ABLIM2: variants seen among roughly 807,000 people sequenced by gnomAD.
ABLIM2 encodes the protein actin-binding LIM protein 2.
Under a neutral mutation model 97.7 loss-of-function variants are expected in ABLIM2, and 53 were observed. The observed-to-expected ratio is 0.54, with a 90% CI of 0.44 to 0.68. The LOEUF is 0.68. ABLIM2 is among the 30% of genes least tolerant of loss of function. The probability of loss-of-function intolerance (pLI) is 0.00; values close to 1 mark genes in which losing one functional copy is unlikely to be tolerated. For synonymous variants in ABLIM2, 361 were observed against 345.8 expected, an observed-to-expected ratio of 1.04 and a Z score of -0.49; for missense variants, 835 against 867.2, an observed-to-expected ratio of 0.96 and a Z score of 0.47.
intron 9 of ABLIM2, among the ~76,000 whole-genome samples, chr4:8,039,363 T>A (rs544590565): frequency 6.6e-6 from 1 of 152,262 alleles, no homozygotes; most frequent in South Asian, 2.1e-4. Flanking sequence ...TCCTCAGGCT[T>A]CCCTGAACCA....
chr4:8,037,259 C>G (rs1286552396), intron 9 of ABLIM2, among the ~76,000 whole-genome samples: 1 of 151,866 alleles, frequency 6.6e-6, no homozygotes, highest in Admixed American at 6.6e-5. Flanking sequence ...ATGATACATA[C>G]CTACACATAC....
Position 8,043,519 on chromosome 4 carries a change from A to G in ABLIM2, c.900+1645T>C, listed in dbSNP as rs1790124498. Among the ~76,000 whole-genome samples the G allele has an allele frequency of 6.6e-6, 1 of 152,154 alleles. No individual in the cohort carries two copies. Among genetic ancestry groups the G allele is most frequent in the African/African-American group, 2.4e-5 (1 of 41,426 alleles). On this transcript the variant is annotated intron_variant, in intron 9 of 20. Transcript: ENST00000447017. This position sits in a 1 kb window ranked among gnomAD's most constrained non-coding sequence, Gnocchi z 4.8. ...GGGCCTTAAGAGAGGTCATCAAGTTAAAACAAGACCGTTAGGGTGGATCCA... is the reference window on the plus strand; with the variant it reads ...GGGCCTTAAGAGAGGTCATCAAGTTGAAACAAGACCGTTAGGGTGGATCCA...
intron 1 of ABLIM2, among the ~76,000 whole-genome samples, chr4:8,115,941 C>G (rs371326498): frequency 2.7e-3 from 410 of 152,330 alleles, no homozygotes; most frequent in African/African-American, 9.6e-3. Flanking sequence ...ACGCTGTGAC[C>G]ACGCATGGAG....
chr4:8,154,053 C>G (rs1435806896), intron 1 of ABLIM2, among the ~76,000 whole-genome samples: 1 of 151,054 alleles, frequency 6.6e-6, no homozygotes, highest in African/African-American at 2.4e-5. Flanking sequence ...AGCTCTGCCT[C>G]CCAGGTTCAC....
At chr4:8,041,779 CT>C (rs991451789) in intron 9 of ABLIM2, among the ~76,000 whole-genome samples, 10 of 152,060 alleles carry the variant, frequency 6.6e-5, no homozygotes, top group African/African-American at 2.4e-4. Context: ...TGGCGGGTGC[CT>C]GTTGTCCCAG....
rs1208598042 is a variant in ABLIM2, at chr4:8,019,347, A to G, written c.1423+271T>C. Reference sequence around the variant, plus strand: ...GCCACCACCAGGCTCTTGGCTATAAACCCCCATCCCAAGCCCTGGCTGATG... The same window carrying G: ...GCCACCACCAGGCTCTTGGCTATAAGCCCCCATCCCAAGCCCTGGCTGATG... On this transcript the variant is annotated intron_variant, in intron 14 of 20. Transcript: ENST00000447017. The surrounding 1 kb of genome is among the most constrained non-coding windows in gnomAD (Gnocchi z 4.3). Among the ~76,000 whole-genome samples the G allele has an allele frequency of 6.6e-6, 1 of 151,888 alleles. No individual in the cohort carries two copies. Among genetic ancestry groups the G allele is most frequent in the African/African-American group, 2.4e-5 (1 of 41,342 alleles).
chr4:8,039,242 T>C (rs1030490570), intron 9 of ABLIM2, among the ~76,000 whole-genome samples: 1 of 152,146 alleles, frequency 6.6e-6, no homozygotes, highest in Non-Finnish European at 1.5e-5. Context: ...GGGTGTGTTT[T>C]GCATCCTCCC....
intron 13 of ABLIM2, 96 bp downstream of exon 13, chr4:8,020,106 C>T: frequency 8.7e-7 from 1 of 1,153,634 alleles, no homozygotes; most frequent in African/African-American, 1.5e-5. Flanking sequence ...CGTCTGGCGC[C>T]TGCTGAGTCA....
intron 1 of ABLIM2, among the ~76,000 whole-genome samples, chr4:8,138,981 G>T (rs1449908375): frequency 1.3e-5 from 2 of 152,336 alleles, no homozygotes; most frequent in East Asian, 3.9e-4. Flanking sequence ...TGGATCACCT[G>T]AGGTCAGGAG....
At chr4:8,106,346 T>C (rs143821084) in intron 2 of ABLIM2, 148 bp downstream of exon 2, 120 of 1,150,244 alleles carry the variant, frequency 1.0e-4, no homozygotes, top group Admixed American at 3.7e-4. Flanking sequence ...GTTGAAAAGA[T>C]CCCACTCTCC....
rs1762448499 is a variant in ABLIM2 at position 8,007,886 on chromosome 4, A to C, written c.1618+173T>G. ...GGGGACAGTTCTTGGGAAGCCGGCA[A>C]ACTGCAAAAGCCCCATATTTCCTTC... On this transcript the variant is annotated intron_variant, in intron 16 of 20. Transcript: ENST00000447017. The C allele has an allele frequency of 3.5e-6, 5 of 1,417,710 alleles. No individual in the cohort carries two copies. In the Admixed American group the frequency reaches 1.1e-4, roughly 32 times the overall value. 87.8% of individuals were successfully genotyped at this position (1,417,710 alleles called of 1,614,324 possible).
rs1485340833 is a variant in ABLIM2, at chr4:7,998,723, G to A, written c.1619-5796C>T. 2 of 487,384 alleles carry A rather than the reference G, an allele frequency of 4.1e-6. No individual in the cohort carries two copies. The highest frequency in any genetic ancestry group is 8.2e-6 in the Non-Finnish European group (2 of 243,954). The allele number at this position is 487,384 out of a possible 1,614,324, so 30.2% of individuals were successfully genotyped here. On this transcript the variant is annotated intron_variant, in intron 16 of 20. Coordinates refer to ENST00000447017, the MANE Select transcript of ABLIM2 (RefSeq NM_001130083.2). This position sits in a 1 kb window ranked among gnomAD's most constrained non-coding sequence, Gnocchi z 6.4. ...TGGGCCACCTCCTGCCACTGCATGG[G>A]AGGCTGGGAGTCTGCTGGCCTGGGC...
At chr4:8,116,434 T>G (rs890593760) in intron 1 of ABLIM2, among the ~76,000 whole-genome samples, 2 of 152,196 alleles carry the variant, frequency 1.3e-5, no homozygotes, top group Non-Finnish European at 2.9e-5. Flanking sequence ...ATCGCACACA[T>G]GGGCTTACAC....
At chr4:8,030,701 T>C (rs1266437108) in intron 10 of ABLIM2, among the ~76,000 whole-genome samples, 1 of 152,212 alleles carries the variant, frequency 6.6e-6, no homozygotes, top group Non-Finnish European at 1.5e-5. Flanking sequence ...TCGGGCCGGC[T>C]AGTGCCCTGC....
rs1359283553 is a variant in ABLIM2, at chr4:8,071,090, CA to C, written c.675+6537del. On this transcript the variant is annotated intron_variant, in intron 6 of 20. Transcript: ENST00000447017. This position sits in a 1 kb window ranked among gnomAD's most constrained non-coding sequence, Gnocchi z 6.2. Reference sequence around the variant, plus strand: ...CTCATCCACACCTCCTCCCTTTATGCAGCCCTGGTCTAGAGGCTGGTCACAC... The same window carrying C: ...CTCATCCACACCTCCTCCCTTTATGCGCCCTGGTCTAGAGGCTGGTCACAC... Among the ~76,000 whole-genome samples, 61 of 152,320 alleles carry C rather than the reference CA, an allele frequency of 4.0e-4. No homozygotes were observed. The highest frequency in any genetic ancestry group is 1.5e-3 in the African/African-American group (61 of 41,576).
intron 9 of ABLIM2, 94 bp from the exon 10 acceptor site, chr4:8,036,389 C>T (rs1784479611): frequency 8.3e-6 from 12 of 1,451,054 alleles, no homozygotes; most frequent in South Asian, 6.4e-5. Context: ...CAGGACAGTG[C>T]CCCCAAAGCC....
At position 8,091,279 on chromosome 4, in the gene ABLIM2, AATTATATATAATATTATATATTATATTAT is replaced by A. The variant is rs1328798534; in HGVS notation, c.339-3024_339-2996del. ...GTTGGTCATTTGTGTGTATATATAT[AATTATATATAATATTATATATTATATTAT>A]ATATATATAATTATATATATATTAT... On this transcript the variant is annotated intron_variant, in intron 3 of 20. Coordinates refer to ENST00000447017, the MANE Select transcript of ABLIM2 (RefSeq NM_001130083.2). Among the ~76,000 whole-genome samples the A allele has an allele frequency of 4.0e-4, 20 of 50,202 alleles. 1 individual carries two copies. The highest frequency in any genetic ancestry group is 5.7e-4 in the Non-Finnish European group (14 of 24,540). The allele number at this position is 50,202 out of a possible 152,430, so 32.9% of individuals were successfully genotyped here.
intron 1 of ABLIM2, among the ~76,000 whole-genome samples, chr4:8,136,077 A>T (rs1436013883): frequency 6.6e-6 from 1 of 152,214 alleles, no homozygotes. Flanking sequence ...ACATGAACAG[A>T]TGAGCAAAAC....
In ABLIM2 at chr4:8,033,030, C is replaced by G. The variant is rs1175933818; in HGVS notation, c.1047+3119G>C. On this transcript the variant is annotated intron_variant, in intron 10 of 20. Transcript: ENST00000447017. The surrounding 1 kb of genome is among the most constrained non-coding windows in gnomAD (Gnocchi z 4.5). ...GGCTCAGGGCACAGGCAGCAACATC[C>G]TGAGGGCCCATCACCTCGGTTTTCT... 6.6e-6 allele frequency among the ~76,000 whole-genome samples: 1 copy of G among 152,226 alleles called. No individual in the cohort carries two copies. Among genetic ancestry groups the G allele is most frequent in the African/African-American group, 2.4e-5 (1 of 41,454 alleles).
Sources: gnomAD v4.1 joint callset for allele counts (sites outside exome capture counted in the v4.1 genomes callset) on GRCh38, gnomAD v4.1.1 for gene constraint, Gnocchi (gnomAD v3.1) non-coding constraint, MANE v1.5 for transcripts, NCBI Gene and HGNC (gene_info 2026-07-23, HGNC 2026-07-21) for gene names.